The following HACL1 variants were observed in gnomAD, a reference collection of about 807,000 sequenced individuals.
HACL1 encodes 2-hydroxyacyl-CoA lyase 1.
Under a neutral mutation model 74.2 loss-of-function variants are expected in HACL1, and 64 were observed. The ratio of observed to expected loss-of-function variants is 0.86; its 90% CI spans 0.70 to 1.06. The LOEUF (loss-of-function observed/expected upper bound fraction) is 1.06, where lower values mean the gene tolerates loss of function less well. Among genes scored for constraint, HACL1 ranks in the 50% least tolerant of loss-of-function variants. The pLI is 0.00. For synonymous variants in HACL1, 230 were observed against 238.8 expected (o/e 0.96, Z 0.34); for missense variants, 728 against 719.7 (o/e 1.01, Z -0.13).
In HACL1 at chr3:15,564,632, A is replaced by G; in HGVS notation, c.1436T>C (p.Val479Ala). The G allele has an allele frequency of 2.6e-6, 4 of 1,536,868 alleles. No homozygotes were observed. The Middle Eastern group carries it at 6.9e-4, about 264-fold the overall frequency. ...TTGGTAAATTCCATTGTTATTCACT[A>G]CCAACAGTATGATTGGCAAGTTGTA... The part of the protein sequence containing the change: ...CRYNLPIILL[V>A]VNNNGIYQGF... Residue 479 changes from valine (V) to alanine (A), a missense_variant, in exon 15 of 17, where the codon GTA becomes GCA. Coordinates refer to ENST00000321169, the MANE Select transcript of HACL1 (RefSeq NM_012260.4).
At chr3:15,585,931 A>T (rs1254568559) in intron 6 of HACL1, among the ~76,000 whole-genome samples, 1 of 152,214 alleles carries the variant, frequency 6.6e-6, no homozygotes, top group Admixed American at 6.5e-5. Flanking sequence ...GCAGGTGTCT[A>T]AACAGTTTAT....
chr3:15,596,511 G>C, intron 2 of HACL1, 87 bp from the exon 3 acceptor site: 1 of 764,142 alleles, frequency 1.3e-6, no homozygotes, highest in Non-Finnish European at 2.4e-6. Flanking sequence ...TAATAGACAA[G>C]AACATAGTGG....
At chr3:15,588,123 ACCT>A (rs1261398775) in intron 5 of HACL1, among the ~76,000 whole-genome samples, 1 of 139,556 alleles carries the variant, frequency 7.2e-6, no homozygotes, top group Non-Finnish European at 1.6e-5. Context: ...CAAACTCCTG[ACCT>A]CAGGTGATCT....
intron 2 of HACL1, among the ~76,000 whole-genome samples, chr3:15,598,280 C>A (rs1559566015): frequency 6.6e-6 from 1 of 152,138 alleles, no homozygotes; most frequent in African/African-American, 2.4e-5. Flanking sequence ...CTCAGCCTCC[C>A]AAAGTGCTGG....
chr3:15,592,458 G>A (rs1333863371), intron 3 of HACL1, among the ~76,000 whole-genome samples: 1 of 108,868 alleles, frequency 9.2e-6, no homozygotes, highest in Non-Finnish European at 1.8e-5. Flanking sequence ...ATACACACAC[G>A]TATACATACA....
At chr3:15,579,039 G>A (rs2063676574) in intron 9 of HACL1, among the ~76,000 whole-genome samples, 1 of 152,242 alleles carries the variant, frequency 6.6e-6, no homozygotes. Flanking sequence ...TGAAACTGAA[G>A]TGACCCTGGA....
intron 2 of HACL1, 113 bp downstream of exon 2, chr3:15,600,977 A>C: frequency 2.9e-6 from 2 of 697,678 alleles, no homozygotes; most frequent in Non-Finnish European, 5.3e-6. Flanking sequence ...TTGATATGAT[A>C]TATGTAAAGT....
chr3:15,574,587 A>C (rs1281466709), intron 10 of HACL1, among the ~76,000 whole-genome samples: 1 of 152,206 alleles, frequency 6.6e-6, no homozygotes. Flanking sequence ...TTCCCATTGG[A>C]AGGGTGAAAG....
intron 11 of HACL1, 76 bp from the exon 12 acceptor site, chr3:15,571,845 T>C (rs2063540992): frequency 4.6e-6 from 3 of 646,232 alleles, no homozygotes; most frequent in African/African-American, 2.2e-5. Context: ...TTTTTTTTTT[T>C]TTTTTTTTTT....
intron 3 of HACL1, among the ~76,000 whole-genome samples, chr3:15,593,163 G>A (rs1454108150): frequency 1.4e-5 from 2 of 147,106 alleles, no homozygotes; most frequent in Non-Finnish European, 3.0e-5. Context: ...ACACACATAC[G>A]TATATATGTG....
At chr3:15,581,505 C>G (rs752601398) in intron 8 of HACL1, among the ~76,000 whole-genome samples, 2 of 152,172 alleles carry the variant, frequency 1.3e-5, no homozygotes, top group Admixed American at 1.3e-4. Flanking sequence ...AGTTCCTTTT[C>G]TTTAATCCAG....
intron 5 of HACL1, among the ~76,000 whole-genome samples, chr3:15,587,373 T>C (rs1325136256): frequency 6.7e-6 from 1 of 149,592 alleles, no homozygotes; most frequent in Non-Finnish European, 1.5e-5. Flanking sequence ...TGAGGCATTA[T>C]ATAGAAACTG....
Position 15,601,548 on chromosome 3 carries a change from C to G in HACL1, c.-85G>C, listed in dbSNP as rs1347092151. 7.5e-6 allele frequency: 12 copies of G among 1,604,572 alleles called. No individual in the cohort carries two copies. The highest frequency in any genetic ancestry group is 1.3e-5 in the African/African-American group (1 of 74,928). Reference sequence around the variant, plus strand: ...AGGCAAACGCGAAATCGGCAGCACGCCACCTCTGGTACTGCACCTCTGACG... The same window carrying G: ...AGGCAAACGCGAAATCGGCAGCACGGCACCTCTGGTACTGCACCTCTGACG... On this transcript the variant is annotated 5_prime_UTR_variant, in exon 1 of 17. Coordinates refer to ENST00000321169, the MANE Select transcript of HACL1 (RefSeq NM_012260.4).
intron 3 of HACL1, among the ~76,000 whole-genome samples, chr3:15,594,386 C>A (rs186876277): frequency 6.6e-6 from 1 of 152,066 alleles, no homozygotes; most frequent in Admixed American, 6.6e-5. Flanking sequence ...AGCATGGAGA[C>A]GACAGAGTGA....
intron 3 of HACL1, among the ~76,000 whole-genome samples, chr3:15,592,581 TGTGCGTGTATAC>T: frequency 7.1e-6 from 1 of 141,424 alleles, no homozygotes; most frequent in Non-Finnish European, 1.6e-5. Flanking sequence ...TACGCACATG[TGTGCGTGTATAC>T]ACATGTACGC....
At chr3:15,592,168 A>G (rs1381050484) in intron 3 of HACL1, among the ~76,000 whole-genome samples, 2 of 149,998 alleles carry the variant, frequency 1.3e-5, no homozygotes, top group Admixed American at 6.6e-5. Flanking sequence ...ATACGTATAC[A>G]TGCATGTATA....
At chr3:15,582,795 G>C (rs2063734419) in intron 8 of HACL1, 82 bp downstream of exon 8, 2 of 683,466 alleles carry the variant, frequency 2.9e-6, no homozygotes, top group Non-Finnish European at 5.3e-6. Context: ...CATTAGAATA[G>C]ACATTAATAA....
intron 6 of HACL1, 87 bp from the exon 7 acceptor site, chr3:15,585,429 AAC>A: frequency 1.3e-6 from 1 of 772,368 alleles, no homozygotes; most frequent in Middle Eastern, 2.4e-4. Context: ...CTGGAAAATG[AAC>A]ACTTTTCATT....
At chr3:15,588,804 A>ATTTTTTTTTTTTTTTTTTTTTTTTTTT (rs1553644278) in intron 5 of HACL1, among the ~76,000 whole-genome samples, 5 of 149,648 alleles carry the variant, frequency 3.3e-5, no homozygotes, top group South Asian at 2.2e-4. Context: ...GTTTCTTTTA[A>ATTTTTTTTTTTTTTTTTTTTTTTTTTT]TTTTGACATG....
Sources: gnomAD v4.1 joint callset for allele counts (sites outside exome capture counted in the v4.1 genomes callset) on GRCh38, gnomAD v4.1.1 for gene constraint, MANE v1.5 for transcripts, NCBI Gene and HGNC (gene_info 2026-07-23, HGNC 2026-07-21) for gene names.